EPB41: variants seen among roughly 807,000 people sequenced by gnomAD.
EPB41 encodes erythrocyte membrane protein band 4.1.
EPB41 carries 65 observed loss-of-function variants against 108.0 expected under a neutral mutation model. The ratio of observed to expected loss-of-function variants is 0.60; its 90% CI spans 0.49 to 0.74. The LOEUF is 0.74. Ranked by LOEUF, EPB41 falls within the 30% of genes least tolerant of loss-of-function variation. EPB41 has a pLI of 0.00. For synonymous variants in EPB41, 336 were observed against 358.9 expected (o/e 0.94, Z 0.72); for missense variants, 875 against 1,037.0 (o/e 0.84, Z 2.15).
chr1:29,024,373 C>T (rs1480263289), intron 7 of EPB41, among the ~76,000 whole-genome samples: 1 of 151,468 alleles, frequency 6.6e-6, no homozygotes, highest in Non-Finnish European at 1.5e-5. Flanking sequence ...GTGGCTCACA[C>T]CTGTAATCCC....
intron 11 of EPB41, among the ~76,000 whole-genome samples, chr1:29,048,864 A>T (rs774217186): frequency 2.0e-5 from 3 of 152,014 alleles, no homozygotes; most frequent in Non-Finnish European, 4.4e-5. Flanking sequence ...TAAATGTCTT[A>T]TTTTTCTCTT....
rs2092444081 is a variant in EPB41 at position 28,914,588 on chromosome 1, G to C, written c.-188G>C. The C allele has an allele frequency of 6.6e-6, 1 of 152,012 alleles. No homozygotes were observed. Among genetic ancestry groups the C allele is most frequent in the East Asian group, 1.9e-4 (1 of 5,150 alleles). 9.4% of individuals were successfully genotyped at this position (152,012 alleles called of 1,614,324 possible). A position where few individuals can be genotyped will look rare whatever the true frequency, so the allele number is the denominator to read the frequency against. ...CCTCGCAGAGGGAAGGCGGGAGGGC[G>C]CGCGCCAGGGTCGCTCGCTCGCTCC... is the stretch of plus-strand genomic sequence containing the variant. On this transcript the variant is annotated 5_prime_UTR_variant, in exon 1 of 21. Coordinates refer to ENST00000343067, the MANE Select transcript of EPB41 (RefSeq NM_001376013.1).
chr1:29,048,267 T>G (rs535382779), intron 11 of EPB41, among the ~76,000 whole-genome samples: 28 of 151,900 alleles, frequency 1.8e-4, no homozygotes, highest in Non-Finnish European at 3.7e-4. Context: ...TAGGCTGGAG[T>G]GCAATGGCGT....
intron 16 of EPB41, among the ~76,000 whole-genome samples, chr1:29,075,803 T>C (rs1259831801): frequency 6.6e-6 from 1 of 152,226 alleles, no homozygotes; most frequent in African/African-American, 2.4e-5. Context: ...AAGTACTCTA[T>C]TATATATTAC....
intron 1 of EPB41, among the ~76,000 whole-genome samples, chr1:28,955,047 T>C (rs1254163712): frequency 2.0e-5 from 3 of 152,230 alleles, no homozygotes; most frequent in African/African-American, 7.2e-5. Flanking sequence ...CAAGCAGTAT[T>C]GGTGCATGTG....
chr1:29,115,869 AC>A lies in EPB41; in HGVS notation c.*6+69del. The A allele has an allele frequency of 8.0e-7, 1 of 1,244,372 alleles. No homozygotes were observed. The highest frequency in any genetic ancestry group is 1.2e-6 in the Non-Finnish European group (1 of 848,110). The allele number at this position is 1,244,372 out of a possible 1,614,324, so 77.1% of individuals were successfully genotyped here. A position where few individuals can be genotyped will look rare whatever the true frequency, so the allele number is the denominator to read the frequency against. On this transcript the variant is annotated intron_variant, in intron 20 of 20. Coordinates refer to ENST00000343067, the MANE Select transcript of EPB41 (RefSeq NM_001376013.1). This position sits in a 1 kb window ranked among gnomAD's most constrained non-coding sequence, Gnocchi z 4.4. ...CCAGCCTGAGAGGGCTCTGGATGGG[AC>A]CCTCGGACACACTGGGAGCCCATCC...
chr1:29,107,885 C>CGGGCGTGGTG (rs1667745409), intron 17 of EPB41, among the ~76,000 whole-genome samples: 2 of 148,942 alleles, frequency 1.3e-5, no homozygotes, highest in Admixed American at 1.3e-4. Context: ...AAAAATTAGC[C>CGGGCGTGGTG]GGGCGTGGTG....
At chr1:29,058,567 T>C (rs1334646309) in intron 12 of EPB41, 22 bp from the exon 13 acceptor site, 18 of 1,608,214 alleles carry the variant, frequency 1.1e-5, no homozygotes, top group Non-Finnish European at 1.4e-5. Context: ...ATGTTTTTAC[T>C]ACTTTTATTT....
chr1:28,988,352 T>C (rs2095919601), intron 2 of EPB41, among the ~76,000 whole-genome samples: 1 of 152,206 alleles, frequency 6.6e-6, no homozygotes, highest in Admixed American at 6.5e-5. Context: ...CATAAAGCTT[T>C]ATAGTTTCTA....
chr1:28,948,943 C>T (rs2148925500), intron 1 of EPB41, among the ~76,000 whole-genome samples: 1 of 152,104 alleles, frequency 6.6e-6, no homozygotes, highest in South Asian at 2.1e-4. Flanking sequence ...GAGCGAGACT[C>T]CATCTCAAAA....
intron 1 of EPB41, among the ~76,000 whole-genome samples, chr1:28,954,221 A>G (rs2094855541): frequency 6.6e-6 from 1 of 152,208 alleles, no homozygotes; most frequent in Admixed American, 6.5e-5. Context: ...GTTTAGGCAC[A>G]TGGTTAGGAA....
chr1:29,003,136 A>G (rs1258362961), intron 4 of EPB41, among the ~76,000 whole-genome samples: 7 of 152,228 alleles, frequency 4.6e-5, no homozygotes, highest in East Asian at 1.9e-4. Context: ...TGTACTGTCA[A>G]TAAGCCAAAT....
chr1:29,026,761 G>A (rs1242086370), intron 7 of EPB41, among the ~76,000 whole-genome samples: 1 of 151,996 alleles, frequency 6.6e-6, no homozygotes, highest in Non-Finnish European at 1.5e-5. Flanking sequence ...GAACCATGAT[G>A]GTGCCACTGC....
chr1:29,087,202 A>G (rs1041056077), intron 16 of EPB41, among the ~76,000 whole-genome samples: 1 of 152,070 alleles, frequency 6.6e-6, no homozygotes, highest in Admixed American at 6.5e-5. Context: ...TGGCCTCCCA[A>G]AGTGCTGGGA....
At chr1:29,082,821 G>A (rs1657284164) in intron 16 of EPB41, among the ~76,000 whole-genome samples, 1 of 152,156 alleles carries the variant, frequency 6.6e-6, no homozygotes, top group East Asian at 1.9e-4. Context: ...ATCCGGCATG[G>A]ATTTTGAAGC....
intron 1 of EPB41, among the ~76,000 whole-genome samples, chr1:28,948,238 G>T (rs2094556246): frequency 6.6e-6 from 1 of 152,130 alleles, no homozygotes; most frequent in African/African-American, 2.4e-5. Flanking sequence ...AGCAGGCTGG[G>T]CGTGGTGACT....
At chr1:28,979,221 G>A (rs1276955527) in intron 1 of EPB41, among the ~76,000 whole-genome samples, 1 of 151,550 alleles carries the variant, frequency 6.6e-6, no homozygotes, top group East Asian at 1.9e-4. Context: ...AATTATTATT[G>A]CTGCTGTGAA....
intron 16 of EPB41, among the ~76,000 whole-genome samples, chr1:29,087,897 T>A (rs138136531): frequency 3.9e-4 from 59 of 152,306 alleles, no homozygotes; most frequent in African/African-American, 1.3e-3. Flanking sequence ...AAATTGAGAA[T>A]CTTCAAATAA....
chr1:28,958,141 C>A (rs1012733335), intron 1 of EPB41, among the ~76,000 whole-genome samples: 4 of 152,088 alleles, frequency 2.6e-5, no homozygotes, highest in Non-Finnish European at 4.4e-5. Context: ...GAAGCTTCAA[C>A]AGATATTACC....
Sources: allele counts gnomAD v4.1 joint callset (sites outside exome capture counted in the v4.1 genomes callset), GRCh38; gene constraint gnomAD v4.1.1; non-coding constraint Gnocchi (gnomAD v3.1); transcripts MANE v1.5; gene names NCBI Gene and HGNC (gene_info 2026-07-23, HGNC 2026-07-21).